Variants in TECTA observed in about 807,000 individuals in gnomAD.
TECTA encodes the protein alpha-tectorin.
In TECTA, 128 loss-of-function variants were observed where a neutral mutation model predicts 216.8. That is an observed-to-expected ratio of 0.59 (90% CI 0.51 to 0.68). TECTA has a LOEUF of 0.68. Among genes scored for constraint, TECTA ranks in the 30% least tolerant of loss-of-function variants. TECTA has a pLI of 0.00. For synonymous variants in TECTA, 1,089 were observed against 1,117.1 expected (o/e 0.97, Z 0.50); for missense variants, 2,551 against 2,786.2 (o/e 0.92, Z 1.90).
intron 10 of TECTA, among the ~76,000 whole-genome samples, chr11:121,131,846 G>A (rs1946677965): frequency 2.0e-5 from 3 of 152,034 alleles, no homozygotes; most frequent in Non-Finnish European, 4.4e-5. Context: ...ATGCATTTTT[G>A]GCAGGAATAC....
rs928587604 is a variant in TECTA at position 121,128,024 on chromosome 11, G to C, written c.2047G>C (p.Val683Leu). Residue 683 changes from valine to leucine, a missense_variant, in exon 9 of 24, where the codon GTC (valine) becomes CTC (leucine). By Grantham distance (32) the Val-to-Leu change is conservative (BLOSUM62 1). Around this residue, in one of 3 missense-constraint regions of TECTA, gnomAD observed 2,375 missense variants for 2,563.9 expected, o/e 0.93. Coordinates refer to ENST00000392793, the MANE Select transcript of TECTA (RefSeq NM_005422.4). ...VQCLCEEGGD[V>L]YCFNKTCGSG... ...ATGCCTGTGCGAGGAGGGCGGGGACGTCTACTGCTTCAACAAGACCTGCGG... is the reference window on the plus strand; with the variant it reads ...ATGCCTGTGCGAGGAGGGCGGGGACCTCTACTGCTTCAACAAGACCTGCGG... 5 of 1,613,420 alleles carry C rather than the reference G, an allele frequency of 3.1e-6. No homozygotes were observed. The highest frequency in any genetic ancestry group is 4.2e-6 in the Non-Finnish European group (5 of 1,179,836).
intron 21 of TECTA, 56 bp downstream of exon 21, chr11:121,188,050 C>T: frequency 6.3e-7 from 1 of 1,599,300 alleles, no homozygotes; most frequent in Non-Finnish European, 8.6e-7. Flanking sequence ...GTCTTGGTTT[C>T]CCAACATGAG....
chr11:121,115,128 C>T (rs1946488987), intron 6 of TECTA, among the ~76,000 whole-genome samples: 1 of 143,460 alleles, frequency 7.0e-6, no homozygotes, highest in African/African-American at 2.6e-5. Context: ...CATCCACCTA[C>T]CCATCCATCC....
intron 16 of TECTA, 87 bp downstream of exon 16, chr11:121,162,457 G>T (rs1947011059): frequency 1.4e-6 from 2 of 1,460,560 alleles, no homozygotes; most frequent in Admixed American, 3.9e-5. Context: ...AGGGATGACT[G>T]GTCCTCTCCA....
At position 121,118,540 on chromosome 11, in the gene TECTA, G is replaced by T; in HGVS notation, c.1025G>T (p.Gly342Val). The stretch of plus-strand genomic sequence containing the variant: ...GACGGCTTCCTCTTCCACTTCCAAG[G>T]CTCCTGTGCCTACTTGCTGGCCCGA... ...TFDGFLFHFQ[G>V]SCAYLLARQC... Residue 342 changes from glycine (G) to valine (V), a missense_variant, in exon 7 of 24, where the codon GGC becomes GTC. Coordinates refer to ENST00000392793, the MANE Select transcript of TECTA (RefSeq NM_005422.4). 1 of 1,614,128 alleles carries T rather than the reference G, an allele frequency of 6.2e-7. No homozygotes were observed. The highest frequency in any genetic ancestry group is 8.5e-7 in the Non-Finnish European group (1 of 1,180,028).
intron 7 of TECTA, among the ~76,000 whole-genome samples, chr11:121,121,436 A>G (rs1591441219): frequency 6.6e-6 from 1 of 152,208 alleles, no homozygotes; most frequent in African/African-American, 2.4e-5. Flanking sequence ...TCTGCTAACC[A>G]TAGGTTGAGG....
chr11:121,150,555 AAAAAATTATTT>A (rs1477789066), intron 12 of TECTA, among the ~76,000 whole-genome samples: 1 of 152,228 alleles, frequency 6.6e-6, no homozygotes, highest in Non-Finnish European at 1.5e-5. Context: ...AAAAAAAGTT[AAAAAATTATTT>A]AAAAATGAAT....
chr11:121,190,242 C>T, intron 23 of TECTA: 1 of 363,534 alleles, frequency 2.8e-6, no homozygotes, highest in East Asian at 6.9e-5. Flanking sequence ...CATATGGTTT[C>T]CCTGACCTCT....
chr11:121,129,585 T>A (rs539027729), intron 9 of TECTA, 53 bp from the exon 10 acceptor site: 1 of 1,582,628 alleles, frequency 6.3e-7, no homozygotes, highest in East Asian at 2.2e-5. Context: ...GCCTAGGAAA[T>A]GGAAAGTGCT....
At chr11:121,178,253 A>G (rs566718520) in intron 20 of TECTA, among the ~76,000 whole-genome samples, 1 of 152,288 alleles carries the variant, frequency 6.6e-6, no homozygotes, top group South Asian at 2.1e-4. Flanking sequence ...AAATGCAGAA[A>G]TCACCCGTCT....
At chr11:121,165,662 C>G (rs574198736) in intron 17 of TECTA, among the ~76,000 whole-genome samples, 1 of 152,094 alleles carries the variant, frequency 6.6e-6, no homozygotes, top group African/African-American at 2.4e-5. Flanking sequence ...CTTTTAGATG[C>G]GCAAGGAAAT....
intron 2 of TECTA, among the ~76,000 whole-genome samples, chr11:121,104,688 C>T (rs2135048932): frequency 6.6e-6 from 1 of 152,078 alleles, no homozygotes; most frequent in South Asian, 2.1e-4. Context: ...GCCGGTTGCT[C>T]CCCAGCCTAT....
At chr11:121,124,942 T>A (rs1946592913) in intron 7 of TECTA, among the ~76,000 whole-genome samples, 2 of 152,156 alleles carry the variant, frequency 1.3e-5, no homozygotes, top group Non-Finnish European at 2.9e-5. Flanking sequence ...AATGGATATT[T>A]AGAGGAATGC....
intron 20 of TECTA, among the ~76,000 whole-genome samples, chr11:121,178,164 G>C (rs550802105): frequency 1.3e-5 from 2 of 152,174 alleles, no homozygotes; most frequent in Non-Finnish European, 2.9e-5. Flanking sequence ...GCTTCGGCTC[G>C]TGCACGGTGC....
At chr11:121,104,793 A>C (rs1182835686) in intron 2 of TECTA, among the ~76,000 whole-genome samples, 1 of 152,070 alleles carries the variant, frequency 6.6e-6, no homozygotes, top group East Asian at 1.9e-4. Flanking sequence ...CAGGTACCTC[A>C]AGAAGTGTGG....
At chr11:121,179,978 T>G (rs113090508) in intron 20 of TECTA, among the ~76,000 whole-genome samples, 2,533 of 150,830 alleles carry the variant, frequency 0.017, 41 homozygotes, top group African/African-American at 0.034. Flanking sequence ...TTGTTTGTTT[T>G]TTTTTTTTTT....
chr11:121,189,985 C>T, intron 23 of TECTA, 105 bp downstream of exon 23: 2 of 889,244 alleles, frequency 2.2e-6, no homozygotes, highest in South Asian at 2.7e-5. Context: ...AGCAACTCTC[C>T]CTCGAAAACT....
chr11:121,187,551 C>T (rs1010299139), intron 20 of TECTA, among the ~76,000 whole-genome samples: 8 of 152,128 alleles, frequency 5.3e-5, no homozygotes, highest in Non-Finnish European at 1.0e-4. Context: ...GAAACTGAAG[C>T]GTGGGGAAAT....
intron 9 of TECTA, among the ~76,000 whole-genome samples, chr11:121,129,301 G>C (rs1345512705): frequency 1.3e-5 from 2 of 152,174 alleles, no homozygotes; most frequent in African/African-American, 4.8e-5. Flanking sequence ...AAGGAGGGGA[G>C]CTATTTTGAA....
Sources: allele counts gnomAD v4.1 joint callset (sites outside exome capture counted in the v4.1 genomes callset), GRCh38; gene constraint gnomAD v4.1.1; regional missense constraint gnomAD v4.1.1; transcripts MANE v1.5; gene names NCBI Gene and HGNC (gene_info 2026-07-23, HGNC 2026-07-21).